Variants in NAV3 observed in about 807,000 individuals in gnomAD.
NAV3 encodes pore membrane and/or filament interacting like protein 1.
A neutral mutation model predicts 244.7 loss-of-function variants in NAV3; 87 were observed. The observed-to-expected ratio is 0.36, with a 90% CI of 0.30 to 0.42. NAV3 has a LOEUF of 0.42. Ranked by LOEUF, NAV3 falls within the 20% of genes least tolerant of loss-of-function variation. The probability of loss-of-function intolerance (pLI) is 1.00; values close to 1 mark genes in which losing one functional copy is unlikely to be tolerated. For synonymous variants in NAV3, 1,126 were observed against 1,042.2 expected, an observed-to-expected ratio of 1.08 and a Z score of -1.55; for missense variants, 2,663 against 2,893.3, an observed-to-expected ratio of 0.92 and a Z score of 1.83.
chr12:77,936,041 ATAT>A (rs1209692034), intron 1 of NAV3, among the ~76,000 whole-genome samples: 2 of 152,184 alleles, frequency 1.3e-5, no homozygotes, highest in South Asian at 2.1e-4. Context: ...GTAGGTTATA[ATAT>A]TATTGCCATT....
chr12:78,196,042 G>A (rs1959170449), intron 34 of NAV3, among the ~76,000 whole-genome samples: 2 of 152,054 alleles, frequency 1.3e-5, no homozygotes, highest in African/African-American at 4.8e-5. Context: ...TATGAACGCA[G>A]TAGATAGACA....
chr12:77,672,973 G>C (rs989091586), intron 2 of NAV3, among the ~76,000 whole-genome samples: 1 of 151,936 alleles, frequency 6.6e-6, no homozygotes, highest in Non-Finnish European at 1.5e-5. Flanking sequence ...TGTTCTTTTT[G>C]TTATTTTTCT....
intron 2 of NAV3, among the ~76,000 whole-genome samples, chr12:77,665,025 G>A (rs1412152800): frequency 1.3e-5 from 2 of 152,058 alleles, no homozygotes; most frequent in African/African-American, 2.4e-5. Flanking sequence ...ACACCCCCTC[G>A]CCTGGCTAAA....
intron 8 of NAV3, among the ~76,000 whole-genome samples, chr12:78,017,852 C>T (rs1876488791): frequency 6.6e-6 from 1 of 152,114 alleles, no homozygotes; most frequent in Non-Finnish European, 1.5e-5. Flanking sequence ...TGATCATTTG[C>T]ATAAAAGGTA....
intron 1 of NAV3, among the ~76,000 whole-genome samples, chr12:77,903,316 A>G (rs886954568): frequency 6.6e-6 from 1 of 152,206 alleles, no homozygotes; most frequent in African/African-American, 2.4e-5. Context: ...ATGGAACAGA[A>G]CAGAGCCCTC....
chr12:77,652,548 A>G (rs1872874606), intron 2 of NAV3, among the ~76,000 whole-genome samples: 2 of 152,214 alleles, frequency 1.3e-5, no homozygotes, highest in Non-Finnish European at 2.9e-5. Context: ...AATACTAAAA[A>G]GATGTATGCC....
At chr12:77,832,800 C>T (rs1873950414) in intron 1 of NAV3, among the ~76,000 whole-genome samples, 1 of 152,144 alleles carries the variant, frequency 6.6e-6, no homozygotes, top group Non-Finnish European at 1.5e-5. Flanking sequence ...CCTTTCCAGC[C>T]TCTGGTAACC....
At chr12:77,814,851 C>T (rs1872465810) in intron 2 of NAV3, among the ~76,000 whole-genome samples, 1 of 152,188 alleles carries the variant, frequency 6.6e-6, no homozygotes, top group South Asian at 2.1e-4. Flanking sequence ...TTGGGGACTT[C>T]AAGATCTTCT....
At position 78,005,692 on chromosome 12, in the gene NAV3, T is replaced by A. The variant is rs141219030; in HGVS notation, c.881-727T>A. On this transcript the variant is annotated intron_variant, in intron 7 of 39. Coordinates refer to ENST00000397909, the MANE Select transcript of NAV3 (RefSeq NM_001024383.2). ...ACAAGATGTGGGGTCAAAGCCTAGC[T>A]CCACCATACACTCCTCATTAGATAC... 5.3e-5 allele frequency among the ~76,000 whole-genome samples: 8 copies of A among 152,216 alleles called. No individual in the cohort carries two copies. In the East Asian group the frequency reaches 1.5e-3, roughly 29 times the overall value.
chr12:77,949,974 A>T (rs180701806), intron 3 of NAV3, among the ~76,000 whole-genome samples: 1 of 152,198 alleles, frequency 6.6e-6, no homozygotes, highest in South Asian at 2.1e-4. Flanking sequence ...AGTTTCTTAC[A>T]TGTCTTTTCA....
chr12:77,875,072 C>T (rs1881653785), intron 1 of NAV3, among the ~76,000 whole-genome samples: 1 of 151,768 alleles, frequency 6.6e-6, no homozygotes, highest in Admixed American at 6.6e-5. Context: ...TGAGTAGAAG[C>T]CAAATGGAGG....
chr12:78,177,476 C>T (rs943505080), intron 27 of NAV3, 144 bp from the exon 28 acceptor site: 2 of 1,119,918 alleles, frequency 1.8e-6, no homozygotes, highest in African/African-American at 3.2e-5. Flanking sequence ...TCACTGGTTT[C>T]TTTCATTTTC....
chr12:77,936,850 C>A (rs1889372829), intron 1 of NAV3, among the ~76,000 whole-genome samples: 1 of 152,104 alleles, frequency 6.6e-6, no homozygotes, highest in African/African-American at 2.4e-5. Flanking sequence ...CATTTTTATA[C>A]CATGTGTCCT....
intron 1 of NAV3, among the ~76,000 whole-genome samples, chr12:77,842,131 G>A (rs144724138): frequency 0.012 from 1,755 of 152,168 alleles, 22 homozygotes; most frequent in South Asian, 0.02. Flanking sequence ...AGAATTACAG[G>A]GATATATCTT....
intron 12 of NAV3, among the ~76,000 whole-genome samples, chr12:78,077,125 TAA>T (rs1260494081): frequency 6.6e-6 from 1 of 152,180 alleles, no homozygotes; most frequent in Non-Finnish European, 1.5e-5. Flanking sequence ...CCATATTTCT[TAA>T]GTTTCTTCTT....
chr12:77,578,809 A>G (rs562656564), intron 2 of NAV3, among the ~76,000 whole-genome samples: 4 of 151,976 alleles, frequency 2.6e-5, no homozygotes, highest in African/African-American at 9.7e-5. Flanking sequence ...CGCCCTCTCC[A>G]TTGTTGATGG....
In NAV3 at chr12:78,119,923, A is replaced by G; in HGVS notation, c.3727A>G (p.Ile1243Val). 6.2e-7 allele frequency: 1 copy of G among 1,613,012 alleles called. No homozygotes were observed. The highest frequency in any genetic ancestry group is 8.5e-7 in the Non-Finnish European group (1 of 1,179,194). ...LRQPGSKYPDIASPTFRRLFG... is the reference protein window; with the variant it reads ...LRQPGSKYPDVASPTFRRLFG... ...GCAGCCAGGATCCAAGTATCCAGAT[A>G]TTGCCTCACCCACATTTCGAAGGTA... Residue 1243 changes from isoleucine (I) to valine (V), a missense_variant, in exon 15 of 40, where the codon ATT becomes GTT. By Grantham distance (29) the Ile-to-Val change is conservative. Around this residue, in one of 6 missense-constraint regions of NAV3, gnomAD observed 354 missense variants for 413.0 expected, o/e 0.86. Transcript: ENST00000397909.
At chr12:77,622,350 A>G (rs1258723998) in intron 2 of NAV3, among the ~76,000 whole-genome samples, 2 of 151,516 alleles carry the variant, frequency 1.3e-5, no homozygotes, top group Admixed American at 6.6e-5. Flanking sequence ...TAGTAGAGAC[A>G]GGGTTTCACC....
rs1381539709 is a variant in NAV3 at position 78,181,174 on chromosome 12, T to A, written c.5692+129T>A. Reference sequence around the variant, plus strand: ...TCTAATTCTCAGAAATAGTCCTAGTTTGATCTTATAAATCTAGTCTACTTA... The same window carrying A: ...TCTAATTCTCAGAAATAGTCCTAGTATGATCTTATAAATCTAGTCTACTTA... On this transcript the variant is annotated intron_variant, in intron 30 of 39. Coordinates refer to ENST00000397909, the MANE Select transcript of NAV3 (RefSeq NM_001024383.2). The A allele has an allele frequency of 1.2e-5, 10 of 804,906 alleles. No homozygotes were observed. In the East Asian group the frequency reaches 2.7e-4, roughly 22 times the overall value. The allele number at this position is 804,906 out of a possible 1,614,324, so 49.9% of individuals were successfully genotyped here. A position where few individuals can be genotyped will look rare whatever the true frequency, so the allele number is the denominator to read the frequency against.
Sources: allele counts gnomAD v4.1 joint callset (sites outside exome capture counted in the v4.1 genomes callset), GRCh38; gene constraint gnomAD v4.1.1; regional missense constraint gnomAD v4.1.1; transcripts MANE v1.5; gene names NCBI Gene and HGNC (gene_info 2026-07-23, HGNC 2026-07-21).